Variants in NSD2 observed in about 807,000 individuals in gnomAD.
NSD2 encodes the protein histone-lysine N-methyltransferase NSD2.
Under a neutral mutation model 139.0 loss-of-function variants are expected in NSD2, and 12 were observed. That is an observed-to-expected ratio of 0.09 (90% CI 0.06 to 0.14). NSD2 has a LOEUF of 0.14. Ranked by LOEUF, NSD2 falls within the 10% of genes least tolerant of loss-of-function variation. The pLI, the probability that NSD2 is intolerant of heterozygous loss-of-function variation, is 1.00. For missense variants in NSD2, 1,155 were observed against 1,745.0 expected, an observed-to-expected ratio of 0.66 and a Z score of 6.02; for synonymous variants, 669 against 648.7, an observed-to-expected ratio of 1.03 and a Z score of -0.48.
At chr4:1,935,322 C>A (rs1448957516) in intron 7 of NSD2, 60 bp downstream of exon 7, 2 of 1,326,332 alleles carry the variant, frequency 1.5e-6, no homozygotes, top group Non-Finnish European at 2.2e-6. Context: ...CTCTTGGTGC[C>A]ACTGTTTCCC....
At chr4:1,939,435 G>GT in intron 8 of NSD2, 1 of 578,410 alleles carries the variant, frequency 1.7e-6, no homozygotes. Flanking sequence ...CCAGGTTGAT[G>GT]TTTTTGGGGG....
chr4:1,956,285 T>G lies in NSD2; in HGVS notation c.2881+97T>G. 1 of 1,078,480 alleles carries G rather than the reference T, an allele frequency of 9.3e-7. No homozygotes were observed. The highest frequency in any genetic ancestry group is 1.3e-6 in the Non-Finnish European group (1 of 775,914). 66.8% of individuals were successfully genotyped at this position (1,078,480 alleles called of 1,614,324 possible). A position where few individuals can be genotyped will look rare whatever the true frequency, so the allele number is the denominator to read the frequency against. ...AAAATTTGATCTTTATAGAAAATACTGGACTAAGCATTCAATCTGTTTTTT... is the reference window on the plus strand; with the variant it reads ...AAAATTTGATCTTTATAGAAAATACGGGACTAAGCATTCAATCTGTTTTTT... On this transcript the variant is annotated intron_variant, in intron 15 of 21. Coordinates refer to ENST00000508803, the MANE Select transcript of NSD2 (RefSeq NM_001042424.3). This position sits in a 1 kb window ranked among gnomAD's most constrained non-coding sequence, Gnocchi z 5.3.
chr4:1,959,635 G>A lies in NSD2; in HGVS notation c.3150G>A (p.Glu1050=), dbSNP rs1298300313. 3.1e-6 allele frequency: 5 copies of A among 1,614,148 alleles called. No individual in the cohort carries two copies. The South Asian group carries it at 3.3e-5, about 11-fold the overall frequency. Residue 1050 remains glutamate (E), a synonymous_variant, in exon 17 of 22, where the codon GAG becomes GAA. Transcript: ENST00000508803. ...ECHPQVCPAG[E]FCQNQCFTKR... ...ACCCGCAGGTGTGTCCCGCGGGCGAGTTCTGCCAGAACCAGTGCTTCACCA... is the reference window on the plus strand; with the variant it reads ...ACCCGCAGGTGTGTCCCGCGGGCGAATTCTGCCAGAACCAGTGCTTCACCA...
Position 1,951,466 on chromosome 4 carries a change from A to C in NSD2, c.2013+263A>C, listed in dbSNP as rs1215471631. Among the ~76,000 whole-genome samples the C allele has an allele frequency of 2.7e-4, 18 of 66,918 alleles. 1 individual carries two copies. Among genetic ancestry groups the C allele is most frequent in the Admixed American group, 2.2e-3 (15 of 6,732 alleles). The allele number at this position is 66,918 out of a possible 152,430, so 43.9% of individuals were successfully genotyped here. On this transcript the variant is annotated intron_variant, in intron 10 of 21. Coordinates refer to ENST00000508803, the MANE Select transcript of NSD2 (RefSeq NM_001042424.3). The stretch of plus-strand genomic sequence containing the variant: ...AATACACACACACACACACACACAC[A>C]CACACACACACACACACACACACAC...
At chr4:1,963,255 G>T (rs889582109) in intron 18 of NSD2, among the ~76,000 whole-genome samples, 1 of 152,226 alleles carries the variant, frequency 6.6e-6, no homozygotes, top group Non-Finnish European at 1.5e-5. Flanking sequence ...GGACCATGGC[G>T]TGTAGAGCAG....
At chr4:1,911,255 C>A (rs1718619767) in intron 3 of NSD2, among the ~76,000 whole-genome samples, 1 of 152,102 alleles carries the variant, frequency 6.6e-6, no homozygotes, top group Non-Finnish European at 1.5e-5. Flanking sequence ...CAGTGACTTG[C>A]ATTTTTATAC....
chr4:1,918,812 A>G (rs1719750853), intron 5 of NSD2, 189 bp downstream of exon 5: 5 of 763,808 alleles, frequency 6.5e-6, no homozygotes, highest in Non-Finnish European at 1.0e-5. Flanking sequence ...CTCGACTTGC[A>G]CTCTGGGGTC....
chr4:1,975,358 T>C lies in NSD2; in HGVS notation c.3579T>C (p.Cys1193=). Residue 1193 remains cysteine, a synonymous_variant, in exon 20 of 22, where the codon TGT becomes TGC. Coordinates refer to ENST00000508803, the MANE Select transcript of NSD2 (RefSeq NM_001042424.3). ...CLGNEKTVCR[C]GASNCSGFLG... is the part of the protein sequence containing the mutation. ...GCAATGAAAAAACGGTCTGCCGGTG[T>C]GGAGCCTCCAATTGCAGTGGATTCC... is the stretch of plus-strand genomic sequence containing the variant. 6.2e-7 allele frequency: 1 copy of C among 1,614,200 alleles called. No homozygotes were observed. Among genetic ancestry groups the C allele is most frequent in the Non-Finnish European group, 8.5e-7 (1 of 1,180,042 alleles).
chr4:1,886,837 CAAAA>C lies in NSD2; in HGVS notation c.-29-13782_-29-13779del, dbSNP rs776652038. On this transcript the variant is annotated intron_variant, in intron 1 of 21. Coordinates refer to ENST00000508803, the MANE Select transcript of NSD2 (RefSeq NM_001042424.3). ...CTTGGGACAGAGCGAGACTCCATCTCAAAAAAAAAATAACTTGCTTATTTTGCTA... is the reference window on the plus strand; with the variant it reads ...CTTGGGACAGAGCGAGACTCCATCTCAAAAAATAACTTGCTTATTTTGCTA... 9.5e-5 allele frequency among the ~76,000 whole-genome samples: 14 copies of C among 147,188 alleles called. No individual in the cohort carries two copies. The South Asian group carries it at 1.9e-3, about 20-fold the overall frequency.
intron 1 of NSD2, among the ~76,000 whole-genome samples, chr4:1,872,613 A>AGAGAGAGG (rs1713922205): frequency 1.4e-5 from 2 of 143,768 alleles, no homozygotes; most frequent in Admixed American, 7.1e-5. Flanking sequence ...AGAGAGAGAG[A>AGAGAGAGG]GAGAGAGAGA....
At chr4:1,971,194 AT>A (rs1726435587) in intron 18 of NSD2, among the ~76,000 whole-genome samples, 1 of 152,152 alleles carries the variant, frequency 6.6e-6, no homozygotes, top group South Asian at 2.1e-4. Context: ...CCCTGTCTCA[AT>A]TAAAAAAAAA....
rs1553869469 is a variant in NSD2 at position 1,925,778 on chromosome 4, T to TTTG, written c.1411-4846_1411-4845insGTT. 6.7e-4 allele frequency among the ~76,000 whole-genome samples: 101 copies of TTTG among 151,162 alleles called. 1 individual carries two copies. The highest frequency in any genetic ancestry group is 3.4e-3 in the Middle Eastern group (1 of 292). ...TTTATATATCTATATATATATTTTT[T>TTTG]TTTGTTTGTTTGTTTGTTTGTTTGT... On this transcript the variant is annotated intron_variant, in intron 5 of 21. Coordinates refer to ENST00000508803, the MANE Select transcript of NSD2 (RefSeq NM_001042424.3).
chr4:1,911,587 CAAAAAAAA>C (rs372660600), intron 3 of NSD2, among the ~76,000 whole-genome samples: 3,026 of 42,078 alleles, frequency 0.072, 53 homozygotes, highest in South Asian at 0.13. Context: ...GACGCCATCT[CAAAAAAAA>C]AAAAAAAAAA....
chr4:1,883,508 T>G (rs1714854354), intron 1 of NSD2, among the ~76,000 whole-genome samples: 1 of 151,980 alleles, frequency 6.6e-6, no homozygotes, highest in Admixed American at 6.6e-5. Flanking sequence ...GGCGCACACC[T>G]GTAACCCCAG....
chr4:1,936,420 C>T (rs772384561), intron 7 of NSD2, among the ~76,000 whole-genome samples: 1 of 152,060 alleles, frequency 6.6e-6, no homozygotes, highest in Admixed American at 6.6e-5. Flanking sequence ...CCTGTAATCC[C>T]AGCACTTTGG....
At chr4:1,920,645 G>C (rs1719997443) in intron 5 of NSD2, among the ~76,000 whole-genome samples, 1 of 152,094 alleles carries the variant, frequency 6.6e-6, no homozygotes, top group African/African-American at 2.4e-5. Context: ...TGAGGTGGGA[G>C]GATTGCTTGA....
chr4:1,923,895 T>G (rs900269492), intron 5 of NSD2, among the ~76,000 whole-genome samples: 2 of 152,104 alleles, frequency 1.3e-5, no homozygotes. Context: ...CTATCACTTG[T>G]GTAGTTTGAA....
At position 1,953,517 on chromosome 4, in the gene NSD2, G is replaced by C; in HGVS notation, c.2331G>C (p.Pro777=). ...CHASNPSNPR[P]SKGKMMRCVR... is the part of the protein sequence containing the mutation. The stretch of plus-strand genomic sequence containing the variant: ...CTTCCAACCCTTCAAACCCAAGGCC[G>C]TCAAAAGGTACAGGTGCACCTGCGC... Residue 777 remains proline, a synonymous_variant, in exon 12 of 22, where the codon CCG becomes CCC. Coordinates refer to ENST00000508803, the MANE Select transcript of NSD2 (RefSeq NM_001042424.3). 2 of 1,608,894 alleles carry C rather than the reference G, an allele frequency of 1.2e-6. No homozygotes were observed. The highest frequency in any genetic ancestry group is 2.2e-5 in the South Asian group (2 of 90,368).
chr4:1,889,177 C>G (rs1430277186), intron 1 of NSD2, among the ~76,000 whole-genome samples: 1 of 152,080 alleles, frequency 6.6e-6, no homozygotes, highest in Non-Finnish European at 1.5e-5. Flanking sequence ...GGATTACAGG[C>G]GTGAGCCACT....
Sources: allele counts gnomAD v4.1 joint callset (sites outside exome capture counted in the v4.1 genomes callset), GRCh38; gene constraint gnomAD v4.1.1; non-coding constraint Gnocchi (gnomAD v3.1); transcripts MANE v1.5; gene names NCBI Gene and HGNC (gene_info 2026-07-23, HGNC 2026-07-21).